MYO7A: variants seen among roughly 807,000 people sequenced by gnomAD.
The protein encoded by MYO7A is unconventional myosin-VIIa.
A neutral mutation model predicts 263.8 loss-of-function variants in MYO7A; 210 were observed. The ratio of observed to expected loss-of-function variants is 0.80; its 90% CI spans 0.71 to 0.89. The LOEUF (loss-of-function observed/expected upper bound fraction) is 0.89. Ranked by LOEUF, MYO7A falls within the 40% of genes least tolerant of loss-of-function variation. The pLI is 0.00. For missense variants in MYO7A, 2,820 were observed against 2,968.3 expected, an observed-to-expected ratio of 0.95 and a Z score of 1.16; for synonymous variants, 1,239 against 1,197.3, an observed-to-expected ratio of 1.03 and a Z score of -0.72.
chr11:77,133,832 TTTAA>T (rs1477043184), intron 2 of MYO7A, among the ~76,000 whole-genome samples: 1 of 151,502 alleles, frequency 6.6e-6, no homozygotes, highest in Non-Finnish European at 1.5e-5. Flanking sequence ...CTCTTTTGTG[TTTAA>T]TTGACATTTT....
chr11:77,190,165 C>T (rs920252776), intron 29 of MYO7A, 26 bp downstream of exon 29: 5 of 1,536,976 alleles, frequency 3.3e-6, no homozygotes, highest in Middle Eastern at 3.5e-4. Flanking sequence ...TGCACGTGCT[C>T]GTGTGCATGT....
Position 77,199,613 on chromosome 11 carries a change from C to T in MYO7A, c.4647C>T (p.Thr1549=). The T allele has an allele frequency of 5.0e-6, 8 of 1,602,458 alleles. No homozygotes were observed. Among genetic ancestry groups the T allele is most frequent in the Non-Finnish European group, 6.8e-6 (8 of 1,175,186 alleles). The change falls in exon 35 of 49, where the codon ACC becomes ACT. Residue 1549 remains threonine, a synonymous_variant. Transcript: ENST00000409709. ...CTCACTCAGGCTGGGCAGGACTGAC[C>T]CCGGCGGGGCCCTGTTCTCCGTGTT... ...AAPHSGWAGL[T]PAGPCSPCWS...
chr11:77,153,889 T>G (rs1414838787), intron 4 of MYO7A, among the ~76,000 whole-genome samples: 1 of 152,210 alleles, frequency 6.6e-6, no homozygotes, highest in Non-Finnish European at 1.5e-5. Context: ...GGTTGTTGAA[T>G]GGCTGCATGG....
Position 77,205,507 on chromosome 11 carries a change from C to A in MYO7A, c.5526C>A (p.Gly1842=), listed in dbSNP as rs776406549. 6.3e-7 allele frequency: 1 copy of A among 1,598,948 alleles called. No individual in the cohort carries two copies. Among genetic ancestry groups the A allele is most frequent in the South Asian group, 1.1e-5 (1 of 88,080 alleles). ...GGGAGCTGCTCTGGCTGTGCACGGG[C>A]CTTTTCCCACCCAGCAACATCCTCC... is the stretch of plus-strand genomic sequence containing the variant. ...RGWELLWLCT[G]LFPPSNILLP... Residue 1842 remains glycine, a synonymous_variant, in exon 40 of 49, where the codon GGC becomes GGA. Coordinates refer to ENST00000409709, the MANE Select transcript of MYO7A (RefSeq NM_000260.4).
intron 5 of MYO7A, 60 bp downstream of exon 5, chr11:77,156,151 G>A (rs558582416): frequency 6.9e-5 from 108 of 1,565,778 alleles, no homozygotes; most frequent in Non-Finnish European, 7.9e-5. Context: ...CCAACTGTGC[G>A]CTCCTGCTGA....
In MYO7A at chr11:77,129,100, C is replaced by T. The variant is rs146135512; in HGVS notation, c.-47+611C>T. Among the ~76,000 whole-genome samples, 242 of 152,334 alleles carry T rather than the reference C, an allele frequency of 1.6e-3. 2 individuals carry two copies. Among genetic ancestry groups the T allele is most frequent in the African/African-American group, 5.5e-3 (230 of 41,568 alleles). ...TTTAAAATGTGGCCCTTAAATTTCA[C>T]GCCCTCACCACTCTCCCCCATCCCT... On this transcript the variant is annotated intron_variant, in intron 1 of 48. Coordinates refer to ENST00000409709, the MANE Select transcript of MYO7A (RefSeq NM_000260.4).
Position 77,204,248 on chromosome 11 carries a change from G to A in MYO7A, c.5480+19G>A. 6.4e-7 allele frequency: 1 copy of A among 1,559,840 alleles called. No homozygotes were observed. Among genetic ancestry groups the A allele is most frequent in the Non-Finnish European group, 8.7e-7 (1 of 1,152,042 alleles). On this transcript the variant is annotated intron_variant, in intron 39 of 48. Transcript: ENST00000409709. The stretch of plus-strand genomic sequence containing the variant: ...ACATCAGGTGAGCCAGGCACAGTGG[G>A]CGGATGAGGGGCAGACCTCACCTGC...
At chr11:77,194,851 A>C (rs547018394) in intron 32 of MYO7A, among the ~76,000 whole-genome samples, 6 of 152,020 alleles carry the variant, frequency 3.9e-5, no homozygotes, top group Non-Finnish European at 7.4e-5. Flanking sequence ...AGCTTTAGGA[A>C]TTGTACCTCC....
intron 31 of MYO7A, among the ~76,000 whole-genome samples, chr11:77,193,006 G>GTTT (rs1956273617): frequency 9.5e-5 from 13 of 137,162 alleles, no homozygotes; most frequent in African/African-American, 3.9e-4. Context: ...TGATGCTGTT[G>GTTT]GTGATGGTGG....
At chr11:77,131,273 C>T (rs1217021727) in intron 2 of MYO7A, among the ~76,000 whole-genome samples, 3 of 152,234 alleles carry the variant, frequency 2.0e-5, no homozygotes, top group Admixed American at 1.3e-4. Context: ...TGGCAGCAGG[C>T]CGTAGGGCTT....
At chr11:77,175,527 G>A (rs1205317690) in intron 18 of MYO7A, 63 bp downstream of exon 18, 9 of 1,465,878 alleles carry the variant, frequency 6.1e-6, no homozygotes, top group Non-Finnish European at 8.6e-6. Context: ...GATGTGGGCT[G>A]GGGTGCTCGG....
At chr11:77,175,709 A>T (rs913727777) in intron 18 of MYO7A, among the ~76,000 whole-genome samples, 4 of 152,210 alleles carry the variant, frequency 2.6e-5, no homozygotes, top group Admixed American at 6.5e-5. Flanking sequence ...AGCACATGCC[A>T]GGGGCGGGCT....
Position 77,174,809 on chromosome 11 carries a change from G to A in MYO7A, c.1989G>A (p.Glu663=), listed in dbSNP as rs1411898905. 1 of 1,612,254 alleles carries A rather than the reference G, an allele frequency of 6.2e-7. No homozygotes were observed. Among genetic ancestry groups the A allele is most frequent in the African/African-American group, 1.3e-5 (1 of 74,924 alleles). Residue 663 remains glutamate, a synonymous_variant, in exon 17 of 49, where the codon GAG becomes GAA. Coordinates refer to ENST00000409709, the MANE Select transcript of MYO7A (RefSeq NM_000260.4). The part of the protein sequence containing the change: ...VRQLRYSGMM[E]TIRIRRAGYP... The stretch of plus-strand genomic sequence containing the variant: ...AGCTGCGGTACTCAGGAATGATGGA[G>A]ACCATCCGAATCCGCCGAGCTGGCT...
intron 24 of MYO7A, 33 bp from the exon 25 acceptor site, chr11:77,182,391 G>T (rs566596981): frequency 1.9e-6 from 3 of 1,589,048 alleles, no homozygotes; most frequent in Non-Finnish European, 2.6e-6. Context: ...AATGTCCTCC[G>T]CTCTGGCCTC....
At chr11:77,192,450 G>A (rs567332052) in intron 31 of MYO7A, among the ~76,000 whole-genome samples, 172 bp downstream of exon 31, 5 of 152,324 alleles carry the variant, frequency 3.3e-5, no homozygotes, top group South Asian at 2.1e-4. Flanking sequence ...CAGGGGGCTC[G>A]TGAGGAGAGG....
At position 77,147,830 on chromosome 11, in the gene MYO7A, CAT is replaced by C; in HGVS notation, c.166_167del (p.Ile56GlnfsTer83). On this transcript the variant is annotated frameshift_variant, in exon 4 of 49. Transcript: ENST00000409709. LOFTEE classifies it high-confidence loss of function. ...GGATCTCTCCGCAGAACGCAACGCA[CAT>C]CAAGCCTATGCACCCCACGTCGGTC... Reference protein sequence around the residue: ...HWISPQNATHIKPMHPTSVHG... With the variant: ...HWISPQNATHXKPMHPTSVHG... The C allele has an allele frequency of 6.2e-7, 1 of 1,610,558 alleles. No individual in the cohort carries two copies. Among genetic ancestry groups the C allele is most frequent in the Non-Finnish European group, 8.5e-7 (1 of 1,178,962 alleles).
intron 28 of MYO7A, among the ~76,000 whole-genome samples, chr11:77,189,723 C>T (rs575077778): frequency 4.0e-4 from 61 of 152,354 alleles, no homozygotes; most frequent in Non-Finnish European, 7.2e-4. Context: ...TCTGCACCCT[C>T]GTCTTGGGGC....
chr11:77,136,867 G>A (rs868829), intron 2 of MYO7A, among the ~76,000 whole-genome samples: 38,334 of 152,044 alleles, frequency 0.25, 5,305 homozygotes, highest in East Asian at 0.41. Context: ...CTATGTCTCC[G>A]GGACTGATCT....
intron 37 of MYO7A, 31 bp downstream of exon 37, chr11:77,202,455 C>T (rs1345618589): frequency 1.3e-6 from 2 of 1,546,182 alleles, no homozygotes; most frequent in Non-Finnish European, 8.7e-7. Flanking sequence ...ATGGGAGCCA[C>T]AGGGCTAGGA....
Sources: gnomAD v4.1 joint callset for allele counts (sites outside exome capture counted in the v4.1 genomes callset) on GRCh38, gnomAD v4.1.1 for gene constraint, MANE v1.5 for transcripts, NCBI Gene and HGNC (gene_info 2026-07-23, HGNC 2026-07-21) for gene names.